Variants in ACAT2 observed in about 807,000 individuals in gnomAD.
The protein encoded by ACAT2 is acetyl-CoA acetyltransferase, cytosolic.
In ACAT2, 26 loss-of-function variants were observed where a neutral mutation model predicts 37.1. The observed-to-expected ratio is 0.70, with a 90% CI of 0.51 to 0.97. The LOEUF (loss-of-function observed/expected upper bound fraction) is 0.97, where lower values mean the gene tolerates loss of function less well. Among genes scored for constraint, ACAT2 ranks in the 50% least tolerant of loss-of-function variants. The pLI is 0.00. For synonymous variants in ACAT2, 156 were observed against 163.6 expected (o/e 0.95, Z 0.35); for missense variants, 468 against 489.0 (o/e 0.96, Z 0.40).
intron 3 of ACAT2, 79 bp from the exon 4 acceptor site, chr6:159,768,432 C>T: frequency 9.5e-7 from 1 of 1,049,052 alleles, no homozygotes; most frequent in South Asian, 1.3e-5. Flanking sequence ...TTAGGAAATA[C>T]TAGATAGTTT....
At chr6:159,769,021 T>C (rs1780297091) in intron 4 of ACAT2, among the ~76,000 whole-genome samples, 2 of 152,226 alleles carry the variant, frequency 1.3e-5, no homozygotes, top group Admixed American at 1.3e-4. Flanking sequence ...CTAAGTTTAA[T>C]GGCAAAGCAA....
At chr6:159,772,315 G>A (rs911415579) in intron 4 of ACAT2, among the ~76,000 whole-genome samples, 1 of 152,162 alleles carries the variant, frequency 6.6e-6, no homozygotes, top group Non-Finnish European at 1.5e-5. Context: ...TCAGAAAATA[G>A]CACTTACATG....
intron 1 of ACAT2, chr6:159,762,449 C>A (rs1018975334): frequency 9.7e-6 from 13 of 1,346,534 alleles, no homozygotes; most frequent in Non-Finnish European, 1.2e-5. Context: ...CTCCGGGGCC[C>A]CTGATTGGCC....
chr6:159,762,759 C>A, intron 1 of ACAT2, 160 bp from the exon 2 acceptor site: 3 of 1,581,722 alleles, frequency 1.9e-6, no homozygotes, highest in Non-Finnish European at 2.6e-6. Context: ...CCCACCTTGA[C>A]CTTTGCTCAG....
At chr6:159,775,343 A>G (rs1270234764) in intron 5 of ACAT2, 30 bp downstream of exon 5, 2 of 1,604,378 alleles carry the variant, frequency 1.2e-6, no homozygotes, top group Admixed American at 1.7e-5. Context: ...TTAAACATCA[A>G]CCTATTTATA....
intron 4 of ACAT2, among the ~76,000 whole-genome samples, chr6:159,772,366 A>T (rs1404456312): frequency 6.6e-6 from 1 of 152,240 alleles, no homozygotes; most frequent in Non-Finnish European, 1.5e-5. Flanking sequence ...TGTAAACAAG[A>T]CAATGTGGTT....
chr6:159,766,206 A>G (rs1163017695), intron 2 of ACAT2, among the ~76,000 whole-genome samples: 2 of 152,232 alleles, frequency 1.3e-5, no homozygotes, highest in African/African-American at 4.8e-5. Flanking sequence ...ATTTAAGCAT[A>G]GTGTAATGAA....
At chr6:159,775,448 A>G in intron 5 of ACAT2, 135 bp downstream of exon 5, 2 of 1,033,248 alleles carry the variant, frequency 1.9e-6, no homozygotes, top group Admixed American at 5.3e-5. Context: ...TCCTGGATAC[A>G]TGAATGTGGG....
chr6:159,762,567 G>C lies in ACAT2; in HGVS notation c.56-352G>C, dbSNP rs535639131. 1,726 of 1,341,216 alleles carry C rather than the reference G, an allele frequency of 1.3e-3. 3 individuals are homozygous for C. The highest frequency in any genetic ancestry group is 1.6e-3 in the Non-Finnish European group (1,645 of 1,030,346). The allele number at this position is 1,341,216 out of a possible 1,614,324, so 83.1% of individuals were successfully genotyped here. The stretch of plus-strand genomic sequence containing the variant: ...GGCTGTCACACAATGGCTAGAAGTC[G>C]TGACTTCGTCTCCTTCGTGCCGCAT... On this transcript the variant is annotated intron_variant, in intron 1 of 8. Transcript: ENST00000367048.
intron 4 of ACAT2, among the ~76,000 whole-genome samples, chr6:159,774,611 TAA>T (rs992291613): frequency 3.9e-5 from 6 of 152,108 alleles, no homozygotes; most frequent in Non-Finnish European, 8.8e-5. Flanking sequence ...CATGCCCGGC[TAA>T]ATTTATTTTT....
At chr6:159,773,525 C>A (rs1276304877) in intron 4 of ACAT2, among the ~76,000 whole-genome samples, 1 of 152,192 alleles carries the variant, frequency 6.6e-6, no homozygotes, top group African/African-American at 2.4e-5. Context: ...GGGGCTTCCA[C>A]TTTCCTGTAG....
intron 4 of ACAT2, among the ~76,000 whole-genome samples, chr6:159,772,174 G>A (rs1341568456): frequency 6.6e-6 from 1 of 151,826 alleles, no homozygotes; most frequent in Non-Finnish European, 1.5e-5. Context: ...GCAGTAAGCT[G>A]AGATATTGCA....
In ACAT2 at chr6:159,768,712, C is replaced by A; in HGVS notation, c.490+84C>A. On this transcript the variant is annotated intron_variant, in intron 4 of 8. Coordinates refer to ENST00000367048, the MANE Select transcript of ACAT2 (RefSeq NM_005891.3). ...TAATCTGCTTCTTAGGTGCTTTCGTCCTTATGGCCAGAGACTGTCTTAAGG... is the reference window on the plus strand; with the variant it reads ...TAATCTGCTTCTTAGGTGCTTTCGTACTTATGGCCAGAGACTGTCTTAAGG... 4.5e-6 allele frequency: 4 copies of A among 882,744 alleles called. No individual in the cohort carries two copies. In the South Asian group the frequency reaches 6.1e-5, roughly 14 times the overall value. The allele number at this position is 882,744 out of a possible 1,614,324, so 54.7% of individuals were successfully genotyped here.
intron 6 of ACAT2, among the ~76,000 whole-genome samples, chr6:159,776,524 A>G (rs1780417312): frequency 2.0e-5 from 3 of 152,108 alleles, no homozygotes; most frequent in Non-Finnish European, 4.4e-5. Context: ...ACCCAACTCA[A>G]TATTTATGTA....
At chr6:159,775,044 G>A (rs1214114955) in intron 4 of ACAT2, 126 bp from the exon 5 acceptor site, 30 of 1,122,518 alleles carry the variant, frequency 2.7e-5, no homozygotes, top group Non-Finnish European at 3.8e-5. Context: ...ACAGAGCATT[G>A]CACAGGCCAC....
At chr6:159,772,629 TAA>T (rs1414594596) in intron 4 of ACAT2, among the ~76,000 whole-genome samples, 2 of 152,004 alleles carry the variant, frequency 1.3e-5, no homozygotes, top group Non-Finnish European at 2.9e-5. Flanking sequence ...GAAGTATATA[TAA>T]GAGAATAGCT....
intron 4 of ACAT2, among the ~76,000 whole-genome samples, chr6:159,769,842 A>G (rs866504684): frequency 6.6e-6 from 1 of 152,216 alleles, no homozygotes; most frequent in Admixed American, 6.5e-5. Context: ...AGAAAAAAAG[A>G]GCTCCAGAAA....
intron 4 of ACAT2, among the ~76,000 whole-genome samples, chr6:159,774,713 T>A (rs1265099453): frequency 6.6e-6 from 1 of 152,210 alleles, no homozygotes; most frequent in East Asian, 1.9e-4. Context: ...AATGCTGGGA[T>A]TACAGGTGTG....
rs1035019458 is a variant in ACAT2 at position 159,778,195 on chromosome 6, A to G, written c.938A>G (p.Glu313Gly). 6.2e-7 allele frequency: 1 copy of G among 1,612,548 alleles called. No homozygotes were observed. Among genetic ancestry groups the G allele is most frequent in the African/African-American group, 1.3e-5 (1 of 74,950 alleles). ...GTTACAAAAGCAGGTTGGTCACTGGAAGATGTTGACATATTTGAAATCAAT... is the reference window on the plus strand; with the variant it reads ...GTTACAAAAGCAGGTTGGTCACTGGGAGATGTTGACATATTTGAAATCAAT... ...QAVTKAGWSL[E>G]DVDIFEINEA... The change falls in exon 8 of 9, where the codon GAA becomes GGA. Residue 313 changes from glutamate to glycine, a missense_variant. Glu to Gly is a moderately conservative substitution (Grantham distance 98, BLOSUM62 -2). Coordinates refer to ENST00000367048, the MANE Select transcript of ACAT2 (RefSeq NM_005891.3).
Sources: allele counts gnomAD v4.1 joint callset (sites outside exome capture counted in the v4.1 genomes callset), GRCh38; gene constraint gnomAD v4.1.1; transcripts MANE v1.5; gene names NCBI Gene and HGNC (gene_info 2026-07-23, HGNC 2026-07-21).